The following CHDH variants were observed in gnomAD, a reference collection of about 807,000 sequenced individuals.
CHDH encodes choline dehydrogenase, mitochondrial.
A neutral mutation model predicts 56.9 loss-of-function variants in CHDH; 43 were observed. The ratio of observed to expected loss-of-function variants is 0.76; its 90% CI spans 0.59 to 0.97. The LOEUF (loss-of-function observed/expected upper bound fraction) is 0.97, where lower values mean the gene tolerates loss of function less well. CHDH is among the 50% of genes least tolerant of loss of function. The probability of loss-of-function intolerance (pLI) is 0.00; values close to 1 mark genes in which losing one functional copy is unlikely to be tolerated. For missense variants in CHDH, 816 were observed against 821.1 expected, an observed-to-expected ratio of 0.99 and a Z score of 0.08; for synonymous variants, 364 against 348.5, an observed-to-expected ratio of 1.04 and a Z score of -0.50.
At chr3:53,834,624 A>G (rs1277491259) in intron 2 of CHDH, among the ~76,000 whole-genome samples, 2 of 152,230 alleles carry the variant, frequency 1.3e-5, no homozygotes, top group African/African-American at 2.4e-5. Context: ...CATGCCCAGA[A>G]GAAGATGCTT....
rs140847175 is a variant in CHDH, at chr3:53,837,915, G to A, written c.-60+3014C>T. Among the ~76,000 whole-genome samples, 1,216 of 151,962 alleles carry A rather than the reference G, an allele frequency of 8.0e-3. 20 individuals are homozygous for A. The highest frequency in any genetic ancestry group is 0.028 in the African/African-American group (1,162 of 41,442). On this transcript the variant is annotated intron_variant, in intron 2 of 8. Coordinates refer to ENST00000315251, the MANE Select transcript of CHDH (RefSeq NM_018397.5). ...TCTACTAAAAATACAAAAATTAGCC[G>A]GGTGTGGTGGCACACGCCTTGTAGT... is the stretch of plus-strand genomic sequence containing the variant.
chr3:53,827,703 A>G (rs1161386240), intron 2 of CHDH, among the ~76,000 whole-genome samples: 1 of 152,232 alleles, frequency 6.6e-6, no homozygotes, highest in African/African-American at 2.4e-5. Context: ...TGCAAGATCT[A>G]TATGAGGAAA....
intron 2 of CHDH, among the ~76,000 whole-genome samples, chr3:53,830,321 C>A (rs1361468789): frequency 1.3e-5 from 2 of 151,672 alleles, no homozygotes; most frequent in African/African-American, 4.9e-5. Context: ...ACACATAGCA[C>A]CTCACATCAA....
intron 3 of CHDH, among the ~76,000 whole-genome samples, chr3:53,822,889 A>G (rs1000937851): frequency 3.9e-5 from 6 of 152,168 alleles, no homozygotes; most frequent in African/African-American, 1.2e-4. Flanking sequence ...AGAGACCAGG[A>G]GCACAGCCAG....
In CHDH at chr3:53,832,440, G is replaced by A. The variant is rs191643873; in HGVS notation, c.-59-8373C>T. Among the ~76,000 whole-genome samples, 463 of 152,222 alleles carry A rather than the reference G, an allele frequency of 3.0e-3. 3 individuals are homozygous for A. The highest frequency in any genetic ancestry group is 0.01 in the African/African-American group (423 of 41,536). ...CCAGCTACTTGGGAGGCTGAGGCAG[G>A]AGAATGGTGTGAACCCAGGAGGCGG... On this transcript the variant is annotated intron_variant, in intron 2 of 8. Transcript: ENST00000315251.
chr3:53,817,702 C>G lies in CHDH; in HGVS notation c.*75G>C. 7.6e-7 allele frequency: 1 copy of G among 1,323,002 alleles called. No homozygotes were observed. The highest frequency in any genetic ancestry group is 1.0e-6 in the Non-Finnish European group (1 of 971,160). The allele number at this position is 1,323,002 out of a possible 1,614,324, so 82.0% of individuals were successfully genotyped here. A position where few individuals can be genotyped will look rare whatever the true frequency, so the allele number is the denominator to read the frequency against. On this transcript the variant is annotated 3_prime_UTR_variant, in exon 9 of 9. Coordinates refer to ENST00000315251, the MANE Select transcript of CHDH (RefSeq NM_018397.5). The stretch of plus-strand genomic sequence containing the variant: ...TGTGCTAGATAGTTTCAGGCAGGAG[C>G]CTGGGAGCAAGGGCTGTGCTGGCCC...
chr3:53,827,571 T>C (rs942114957), intron 2 of CHDH, among the ~76,000 whole-genome samples: 2 of 152,036 alleles, frequency 1.3e-5, no homozygotes, highest in African/African-American at 2.4e-5. Flanking sequence ...AGAGGTATGA[T>C]TGAGCCACTG....
intron 3 of CHDH, among the ~76,000 whole-genome samples, chr3:53,823,041 C>T (rs2095630853): frequency 6.6e-6 from 1 of 152,144 alleles, no homozygotes; most frequent in Non-Finnish European, 1.5e-5. Flanking sequence ...GCTCTCTGTC[C>T]AGAGAGCTGA....
intron 8 of CHDH, 116 bp downstream of exon 8, chr3:53,818,822 A>G (rs2095620533): frequency 1.3e-6 from 1 of 768,376 alleles, no homozygotes; most frequent in African/African-American, 1.7e-5. Context: ...GGGGGACGAC[A>G]GAGGGTCACT....
In CHDH at chr3:53,819,217, G is replaced by GGAATCACTCTTTCATCCTGGCCTCA. The variant is rs2095621425; in HGVS notation, c.1264-202_1264-178dup. ...CACGAGTGATTACAGACCACCTCAA[G>GGAATCACTCTTTCATCCTGGCCTCA]GAATCACTCTTTCATCCTGGCCTCA... On this transcript the variant is annotated intron_variant, in intron 7 of 8. Coordinates refer to ENST00000315251, the MANE Select transcript of CHDH (RefSeq NM_018397.5). The surrounding 1 kb of genome is among the most constrained non-coding windows in gnomAD (Gnocchi z 5.4). Among the ~76,000 whole-genome samples, 2 of 152,142 alleles carry GGAATCACTCTTTCATCCTGGCCTCA rather than the reference G, an allele frequency of 1.3e-5. No homozygotes were observed. The highest frequency in any genetic ancestry group is 4.8e-5 in the African/African-American group (2 of 41,432).
chr3:53,820,542 G>C lies in CHDH; in HGVS notation c.1052C>G (p.Thr351Ser), dbSNP rs757411071. The change falls in exon 6 of 9, where the codon ACC (threonine) becomes AGC (serine). Residue 351 changes from threonine to serine, a missense_variant. Coordinates refer to ENST00000315251, the MANE Select transcript of CHDH (RefSeq NM_018397.5). ...CAGGGGCTTCTGTGCTGAATGGAGG[G>C]TGATAGGGCGGGTGCATGCCTGCTG... ...YIQQACTRPI[T>S]LHSAQKPLRK... is the part of the protein sequence containing the mutation. 1 of 1,614,136 alleles carries C rather than the reference G, an allele frequency of 6.2e-7. No homozygotes were observed. Among genetic ancestry groups the C allele is most frequent in the South Asian group, 1.1e-5 (1 of 91,080 alleles).
intron 1 of CHDH, among the ~76,000 whole-genome samples, chr3:53,841,886 C>T (rs1410815574): frequency 6.6e-6 from 1 of 152,166 alleles, no homozygotes; most frequent in East Asian, 1.9e-4. Context: ...GTGGCTCACG[C>T]CTGTAATCCC....
intron 8 of CHDH, 100 bp downstream of exon 8, chr3:53,818,838 C>T (rs1363283942): frequency 1.2e-6 from 1 of 824,036 alleles, no homozygotes; most frequent in Non-Finnish European, 2.1e-6. Flanking sequence ...TCACTTGTGT[C>T]CTAGAAAGTG....
At chr3:53,822,977 C>A (rs1466948018) in intron 3 of CHDH, among the ~76,000 whole-genome samples, 1 of 152,098 alleles carries the variant, frequency 6.6e-6, no homozygotes, top group Non-Finnish European at 1.5e-5. Context: ...TGAGCAAGGC[C>A]CTTCACCACT....
rs2095617388 is a variant in CHDH at position 53,817,201 on chromosome 3, A to G, written c.*576T>C. 1 of 153,980 alleles carries G rather than the reference A, an allele frequency of 6.5e-6. No homozygotes were observed. The highest frequency in any genetic ancestry group is 6.4e-5 in the Admixed American group (1 of 15,614). The allele number at this position is 153,980 out of a possible 1,614,324, so 9.5% of individuals were successfully genotyped here. A position where few individuals can be genotyped will look rare whatever the true frequency, so the allele number is the denominator to read the frequency against. On this transcript the variant is annotated 3_prime_UTR_variant, in exon 9 of 9. Transcript: ENST00000315251. The stretch of plus-strand genomic sequence containing the variant: ...CCCCAGTTACCTGCCTCACTCTGAG[A>G]GTGAAATTAGGCAGCGAGAAAGGAA...
intron 2 of CHDH, among the ~76,000 whole-genome samples, chr3:53,832,171 T>G (rs1698353487): frequency 1.3e-5 from 2 of 152,118 alleles, no homozygotes; most frequent in Admixed American, 6.6e-5. Flanking sequence ...CAGATATTCT[T>G]ACACCAATGT....
rs1325822581 is a variant in CHDH at position 53,813,307 on chromosome 3, A to AAAC, written c.*4467_*4469dup. 6.6e-6 allele frequency: 1 copy of AAAC among 152,224 alleles called. No homozygotes were observed. The highest frequency in any genetic ancestry group is 1.5e-5 in the Non-Finnish European group (1 of 68,030). The allele number at this position is 152,224 out of a possible 1,614,324, so 9.4% of individuals were successfully genotyped here. A position where few individuals can be genotyped will look rare whatever the true frequency, so the allele number is the denominator to read the frequency against. On this transcript the variant is annotated 3_prime_UTR_variant, in exon 9 of 9. Coordinates refer to ENST00000315251, the MANE Select transcript of CHDH (RefSeq NM_018397.5). ...AAAATGCAAAATGTTCTTCAGAATA[A>AAAC]AACTGTGTAATAATTTTTATACTTG...
rs1336454921 is a variant in CHDH, at chr3:53,824,026, G to A, written c.-18C>T. On this transcript the variant is annotated 5_prime_UTR_variant, in exon 3 of 9. Transcript: ENST00000315251. ...CACCACATGCTTCTATCTAGTCCAA[G>A]TCCTCTGATCCACGGAGGGGAATGA... 2 of 1,438,122 alleles carry A rather than the reference G, an allele frequency of 1.4e-6. No individual in the cohort carries two copies. The highest frequency in any genetic ancestry group is 2.9e-5 in the South Asian group (2 of 69,124). The allele number at this position is 1,438,122 out of a possible 1,614,324, so 89.1% of individuals were successfully genotyped here. A position where few individuals can be genotyped will look rare whatever the true frequency, so the allele number is the denominator to read the frequency against.
At position 53,837,297 on chromosome 3, in the gene CHDH, T is replaced by A. The variant is rs138930127; in HGVS notation, c.-60+3632A>T. Reference sequence around the variant, plus strand: ...CATAATTAACAACTGAATTGGAAACTGCTACCTGGGAGATGATTCTGGACA... The same window carrying A: ...CATAATTAACAACTGAATTGGAAACAGCTACCTGGGAGATGATTCTGGACA... On this transcript the variant is annotated intron_variant, in intron 2 of 8. Coordinates refer to ENST00000315251, the MANE Select transcript of CHDH (RefSeq NM_018397.5). 2.5e-3 allele frequency among the ~76,000 whole-genome samples: 387 copies of A among 152,376 alleles called. 3 individuals carry two copies. Among genetic ancestry groups the A allele is most frequent in the African/African-American group, 8.8e-3 (366 of 41,590 alleles).
Sources: allele counts gnomAD v4.1 joint callset (sites outside exome capture counted in the v4.1 genomes callset), GRCh38; gene constraint gnomAD v4.1.1; non-coding constraint Gnocchi (gnomAD v3.1); transcripts MANE v1.5; gene names NCBI Gene and HGNC (gene_info 2026-07-23, HGNC 2026-07-21).